NSG2: variants seen among roughly 807,000 people sequenced by gnomAD.
NSG2 encodes neuronal vesicle trafficking-associated protein 2.
In NSG2, 4 loss-of-function variants were observed where a neutral mutation model predicts 16.9. That is an observed-to-expected ratio of 0.24 (90% CI 0.12 to 0.54). NSG2 has a LOEUF of 0.54. Among genes scored for constraint, NSG2 ranks in the 20% least tolerant of loss-of-function variants. NSG2 has a pLI of 0.95. For missense variants in NSG2, 179 were observed against 221.1 expected, an observed-to-expected ratio of 0.81 and a Z score of 1.21; for synonymous variants, 98 against 88.7, an observed-to-expected ratio of 1.11 and a Z score of -0.59.
chr5:174,071,465 G>A (rs933387510), intron 3 of NSG2, among the ~76,000 whole-genome samples: 6 of 152,176 alleles, frequency 3.9e-5, no homozygotes, highest in East Asian at 1.9e-4. Flanking sequence ...CCAGCCTGAC[G>A]ACAGAGCAAG....
At chr5:174,085,574 T>A (rs1302946073) in intron 3 of NSG2, among the ~76,000 whole-genome samples, 1 of 152,268 alleles carries the variant, frequency 6.6e-6, no homozygotes, top group Non-Finnish European at 1.5e-5. Flanking sequence ...CAAGCCCATT[T>A]GCCTGCATTT....
intron 3 of NSG2, among the ~76,000 whole-genome samples, chr5:174,081,790 T>G (rs1760473036): frequency 6.7e-6 from 1 of 149,108 alleles, no homozygotes; most frequent in African/African-American, 2.5e-5. Flanking sequence ...CTTGGGAGGC[T>G]GAGGCAGGAG....
At chr5:174,068,095 T>A (rs1434091691) in intron 3 of NSG2, among the ~76,000 whole-genome samples, 1 of 152,194 alleles carries the variant, frequency 6.6e-6, no homozygotes, top group Non-Finnish European at 1.5e-5. Flanking sequence ...TGGGTCACCC[T>A]GCAGATATAT....
At chr5:174,074,078 C>T (rs1414471859) in intron 3 of NSG2, among the ~76,000 whole-genome samples, 1 of 152,084 alleles carries the variant, frequency 6.6e-6, no homozygotes, top group Non-Finnish European at 1.5e-5. Flanking sequence ...CAAATCTCCT[C>T]CTCTCCCCCC....
At chr5:174,076,552 GA>G (rs937314101) in intron 3 of NSG2, among the ~76,000 whole-genome samples, 5 of 151,726 alleles carry the variant, frequency 3.3e-5, no homozygotes, top group South Asian at 2.1e-4. Context: ...CTGAGGCTAA[GA>G]AAAAAAAATT....
At chr5:174,070,908 G>A (rs147478296) in intron 3 of NSG2, among the ~76,000 whole-genome samples, 2,185 of 152,330 alleles carry the variant, frequency 0.014, 61 homozygotes, top group African/African-American at 0.05. Flanking sequence ...CAGGCTTTGG[G>A]TGTGTTGCAT....
intron 2 of NSG2, among the ~76,000 whole-genome samples, chr5:174,061,943 T>A (rs150737986): frequency 6.9e-6 from 1 of 144,176 alleles, no homozygotes; most frequent in Non-Finnish European, 1.5e-5. Context: ...GGCAGGGAAG[T>A]TGGGGGCATT....
At chr5:174,092,270 G>A (rs1237496142) in intron 3 of NSG2, among the ~76,000 whole-genome samples, 1 of 152,268 alleles carries the variant, frequency 6.6e-6, no homozygotes, top group Non-Finnish European at 1.5e-5. Flanking sequence ...ACCATGCAAT[G>A]TTCAGAAGAG....
chr5:174,065,441 G>A (rs532639280), intron 3 of NSG2, among the ~76,000 whole-genome samples: 1 of 152,302 alleles, frequency 6.6e-6, no homozygotes, highest in Non-Finnish European at 1.5e-5. Flanking sequence ...ATTGAAGGCT[G>A]TATGAAGGCA....
intron 2 of NSG2, among the ~76,000 whole-genome samples, chr5:174,048,854 A>G (rs1412114610): frequency 2.0e-5 from 3 of 152,208 alleles, no homozygotes; most frequent in Non-Finnish European, 4.4e-5. Flanking sequence ...GTGGGCCTGC[A>G]TGCATGCAAC....
chr5:174,069,465 G>A (rs1021599253), intron 3 of NSG2, among the ~76,000 whole-genome samples: 4 of 152,218 alleles, frequency 2.6e-5, no homozygotes, highest in Admixed American at 6.5e-5. Context: ...GACTAGGCTC[G>A]CCTAGGCATC....
chr5:174,098,950 G>A (rs926548975), intron 3 of NSG2, among the ~76,000 whole-genome samples: 7 of 152,176 alleles, frequency 4.6e-5, no homozygotes, highest in South Asian at 2.1e-4. Flanking sequence ...GCTTTAGAAC[G>A]TCTCTGAGGA....
rs558575761 is a variant in NSG2 at position 174,067,057 on chromosome 5, TAAAG to T, written c.213+2744_213+2747del. 1.2e-3 allele frequency among the ~76,000 whole-genome samples: 173 copies of T among 149,916 alleles called. 1 individual carries two copies. In the South Asian group the frequency reaches 0.017, roughly 15 times the overall value. ...AAGTGCAATAATTTGGGCAAATACT[TAAAG>T]AGAGAATGTTGAGTGAGTAAAATAG... is the stretch of plus-strand genomic sequence containing the variant. On this transcript the variant is annotated intron_variant, in intron 3 of 4. Coordinates refer to ENST00000303177, the MANE Select transcript of NSG2 (RefSeq NM_015980.5).
At chr5:174,070,885 G>T (rs1336956113) in intron 3 of NSG2, among the ~76,000 whole-genome samples, 1 of 152,198 alleles carries the variant, frequency 6.6e-6, no homozygotes, top group Non-Finnish European at 1.5e-5. Flanking sequence ...CCCAGCACTG[G>T]CCTGGCATGG....
intron 3 of NSG2, among the ~76,000 whole-genome samples, chr5:174,099,157 C>T (rs1329625569): frequency 6.6e-6 from 1 of 152,126 alleles, no homozygotes; most frequent in African/African-American, 2.4e-5. Flanking sequence ...GCCGGGGAGG[C>T]TGGGTCCAGC....
At chr5:174,053,338 G>A (rs1759920996) in intron 2 of NSG2, among the ~76,000 whole-genome samples, 1 of 152,068 alleles carries the variant, frequency 6.6e-6, no homozygotes, top group African/African-American at 2.4e-5. Context: ...AAGATGATAG[G>A]TTTAGAAGGA....
chr5:174,081,856 C>T (rs1760475776), intron 3 of NSG2, among the ~76,000 whole-genome samples: 2 of 140,950 alleles, frequency 1.4e-5, no homozygotes, highest in Non-Finnish European at 3.0e-5. Context: ...CACCACTGCA[C>T]TCCAGCCTGA....
chr5:174,050,507 G>C (rs561493338), intron 2 of NSG2, among the ~76,000 whole-genome samples: 1 of 152,294 alleles, frequency 6.6e-6, no homozygotes, highest in East Asian at 1.9e-4. Context: ...TGAGGCTCAG[G>C]ACAATATAGT....
At position 174,046,851 on chromosome 5, in the gene NSG2, G is replaced by T; in HGVS notation, c.96G>T (p.Glu32Asp). ...CCGTCCCTCTCATCACTCCCTTGGA[G>T]GTTAATCACTTACAGCTGCCTGCTC... ...FQTVPLITPL[E>D]VNHLQLPAPE... Residue 32 changes from glutamate (E) to aspartate (D), a missense_variant, in exon 2 of 5, where the codon GAG becomes GAT. Transcript: ENST00000303177. 1 of 1,614,110 alleles carries T rather than the reference G, an allele frequency of 6.2e-7. No homozygotes were observed. The highest frequency in any genetic ancestry group is 8.5e-7 in the Non-Finnish European group (1 of 1,180,024).
Sources: allele counts gnomAD v4.1 joint callset (sites outside exome capture counted in the v4.1 genomes callset), GRCh38; gene constraint gnomAD v4.1.1; transcripts MANE v1.5; gene names NCBI Gene and HGNC (gene_info 2026-07-23, HGNC 2026-07-21).